KIAA1328: variants seen among roughly 807,000 people sequenced by gnomAD.
The protein encoded by KIAA1328 is KIAA1328, also known as protein hinderin.
KIAA1328 carries 52 observed loss-of-function variants against 68.1 expected under a neutral mutation model. The observed-to-expected ratio is 0.76, with a 90% CI of 0.61 to 0.96. The LOEUF (loss-of-function observed/expected upper bound fraction) is 0.96, where lower values mean the gene tolerates loss of function less well. Ranked by LOEUF, KIAA1328 falls within the 40% of genes least tolerant of loss-of-function variation. The pLI, the probability that KIAA1328 is intolerant of heterozygous loss-of-function variation, is 0.00. For synonymous variants in KIAA1328, 232 were observed against 239.4 expected, an observed-to-expected ratio of 0.97 and a Z score of 0.28; for missense variants, 641 against 677.6, an observed-to-expected ratio of 0.95 and a Z score of 0.60.
intron 1 of KIAA1328, among the ~76,000 whole-genome samples, chr18:36,832,308 C>T (rs2046519139): frequency 1.3e-5 from 2 of 151,924 alleles, no homozygotes; most frequent in Admixed American, 1.3e-4. Flanking sequence ...TTTTGTTGGC[C>T]GCTTGCGGTG....
chr18:36,912,669 C>G (rs1338707256), intron 5 of KIAA1328, among the ~76,000 whole-genome samples: 1 of 152,124 alleles, frequency 6.6e-6, no homozygotes, highest in Non-Finnish European at 1.5e-5. Flanking sequence ...CCAACATTCC[C>G]AAAGTCTAAT....
chr18:36,848,798 T>TA (rs761844704), intron 4 of KIAA1328, among the ~76,000 whole-genome samples: 45 of 150,996 alleles, frequency 3.0e-4, no homozygotes, highest in Non-Finnish European at 5.5e-4. Flanking sequence ...AATTTTTTTT[T>TA]ATCTTTTATT....
At chr18:37,020,048 C>T (rs936744652) in intron 6 of KIAA1328, among the ~76,000 whole-genome samples, 8 of 152,142 alleles carry the variant, frequency 5.3e-5, no homozygotes, top group African/African-American at 1.7e-4. Flanking sequence ...CCCTTTTGCA[C>T]GAAGATCTCT....
chr18:37,049,195 A>T (rs2055594879), intron 6 of KIAA1328, among the ~76,000 whole-genome samples: 1 of 152,222 alleles, frequency 6.6e-6, no homozygotes, highest in South Asian at 2.1e-4. Flanking sequence ...ATGTGAAAAC[A>T]GCTAACACTT....
At chr18:36,918,693 G>A (rs1415124283) in intron 5 of KIAA1328, among the ~76,000 whole-genome samples, 1 of 152,198 alleles carries the variant, frequency 6.6e-6, no homozygotes, top group Non-Finnish European at 1.5e-5. Context: ...GGGATTACAT[G>A]CGTGAGCCAC....
chr18:37,031,132 G>A (rs945646829), intron 6 of KIAA1328, among the ~76,000 whole-genome samples: 4 of 152,110 alleles, frequency 2.6e-5, no homozygotes, highest in African/African-American at 4.8e-5. Context: ...GAATAGTGCC[G>A]CAATAAACAT....
intron 7 of KIAA1328, among the ~76,000 whole-genome samples, chr18:37,152,117 A>C (rs11081990): frequency 1.3e-5 from 2 of 149,150 alleles, no homozygotes; most frequent in Admixed American, 6.7e-5. Flanking sequence ...AAAAAAAAAA[A>C]CAGATTAGCA....
chr18:37,211,720 C>G (rs1410994665), intron 9 of KIAA1328, among the ~76,000 whole-genome samples: 6 of 152,034 alleles, frequency 3.9e-5, no homozygotes, highest in Admixed American at 1.3e-4. Context: ...TCATTATTTC[C>G]ATGTTATAAA....
chr18:37,101,078 A>G (rs1441514716), intron 7 of KIAA1328, among the ~76,000 whole-genome samples: 1 of 152,208 alleles, frequency 6.6e-6, no homozygotes, highest in East Asian at 1.9e-4. Flanking sequence ...GAAAAAACAG[A>G]GCAGAAAACG....
At chr18:37,077,563 T>G (rs2056786632) in intron 7 of KIAA1328, among the ~76,000 whole-genome samples, 1 of 151,994 alleles carries the variant, frequency 6.6e-6, no homozygotes. Context: ...GCAGATGAAA[T>G]GATTGTATAT....
chr18:37,225,766 C>G (rs994911468), downstream of KIAA1328, among the ~76,000 whole-genome samples: 2 of 152,184 alleles, frequency 1.3e-5, no homozygotes, highest in African/African-American at 4.8e-5. Context: ...ATTCTGAGAT[C>G]ACACCTGTGG....
chr18:36,954,774 A>G (rs2051335750), intron 5 of KIAA1328, among the ~76,000 whole-genome samples: 1 of 150,412 alleles, frequency 6.6e-6, no homozygotes, highest in African/African-American at 2.5e-5. Flanking sequence ...AACTCACTGC[A>G]ACTTCCACCT....
intron 3 of KIAA1328, among the ~76,000 whole-genome samples, chr18:36,837,607 A>C (rs1376256459): frequency 6.6e-6 from 1 of 152,042 alleles, no homozygotes; most frequent in African/African-American, 2.4e-5. Flanking sequence ...CAGTTTATCT[A>C]GTGTTTTCTT....
chr18:37,059,116 A>G (rs911055534), intron 6 of KIAA1328, among the ~76,000 whole-genome samples: 1 of 152,146 alleles, frequency 6.6e-6, no homozygotes, highest in African/African-American at 2.4e-5. Flanking sequence ...ACCTTGGGAA[A>G]GTTGTATTGC....
chr18:37,179,155 AT>A, intron 9 of KIAA1328, among the ~76,000 whole-genome samples: 1 of 152,254 alleles, frequency 6.6e-6, no homozygotes, highest in African/African-American at 2.4e-5. Flanking sequence ...GACCAATGTC[AT>A]GGAGCTTTTC....
intron 9 of KIAA1328, among the ~76,000 whole-genome samples, chr18:37,216,181 C>G (rs1474823715): frequency 1.3e-5 from 2 of 152,122 alleles, no homozygotes; most frequent in Admixed American, 6.5e-5. Context: ...TTCTTGCTTT[C>G]TGCTAGGTTT....
At chr18:36,963,843 G>A (rs2051802736) in intron 6 of KIAA1328, among the ~76,000 whole-genome samples, 1 of 152,102 alleles carries the variant, frequency 6.6e-6, no homozygotes, top group Admixed American at 6.5e-5. Context: ...GCATCTTGTT[G>A]CATTGGTTTT....
intron 7 of KIAA1328, 34 bp from the exon 8 acceptor site, chr18:37,160,166 G>C: frequency 6.3e-7 from 1 of 1,578,430 alleles, no homozygotes. Flanking sequence ...TCCCTTCTGT[G>C]CCTTCAACAG....
chr18:36,832,253 A>G (rs1345261755), intron 1 of KIAA1328, among the ~76,000 whole-genome samples: 3 of 152,190 alleles, frequency 2.0e-5, no homozygotes, highest in African/African-American at 7.2e-5. Flanking sequence ...AGAGTTTTAT[A>G]TATTTGAAAA....
Sources: allele counts gnomAD v4.1 joint callset (sites outside exome capture counted in the v4.1 genomes callset), GRCh38; gene constraint gnomAD v4.1.1; transcripts MANE v1.5; gene names NCBI Gene and HGNC (gene_info 2026-07-23, HGNC 2026-07-21).